IGF2BP3: variants seen among roughly 807,000 people sequenced by gnomAD.
IGF2BP3 encodes the protein insulin-like growth factor 2 mRNA-binding protein 3.
In IGF2BP3, 9 loss-of-function variants were observed where a neutral mutation model predicts 73.8. The ratio of observed to expected loss-of-function variants is 0.12; its 90% CI spans 0.07 to 0.21. The LOEUF (loss-of-function observed/expected upper bound fraction) is 0.21, where lower values mean the gene tolerates loss of function less well. IGF2BP3 is among the 10% of genes least tolerant of loss of function. The pLI, the probability that IGF2BP3 is intolerant of heterozygous loss-of-function variation, is 1.00. For synonymous variants in IGF2BP3, 258 were observed against 256.7 expected, an observed-to-expected ratio of 1.01 and a Z score of -0.05; for missense variants, 542 against 714.0, an observed-to-expected ratio of 0.76 and a Z score of 2.75.
intron 3 of IGF2BP3, among the ~76,000 whole-genome samples, chr7:23,410,979 C>T (rs1361675261): frequency 1.3e-5 from 2 of 152,116 alleles, no homozygotes; most frequent in Non-Finnish European, 2.9e-5. Context: ...AATTCAGTAC[C>T]CGGCACATAA....
intron 2 of IGF2BP3, among the ~76,000 whole-genome samples, chr7:23,437,280 A>G (rs1025257466): frequency 2.6e-5 from 4 of 151,802 alleles, no homozygotes; most frequent in South Asian, 2.1e-4. Flanking sequence ...TCAGCAGTTC[A>G]AGACCAGTCT....
At chr7:23,432,757 C>G (rs916103850) in intron 2 of IGF2BP3, among the ~76,000 whole-genome samples, 1 of 152,082 alleles carries the variant, frequency 6.6e-6, no homozygotes, top group Non-Finnish European at 1.5e-5. Context: ...CCTCCTGCCT[C>G]AGCCCCTCAA....
At chr7:23,383,746 G>C (rs550571373) in intron 3 of IGF2BP3, among the ~76,000 whole-genome samples, 1 of 152,122 alleles carries the variant, frequency 6.6e-6, no homozygotes, top group Non-Finnish European at 1.5e-5. Context: ...ATGGACTGAC[G>C]AACGGATAAA....
At chr7:23,381,470 G>A (rs530200382) in intron 3 of IGF2BP3, among the ~76,000 whole-genome samples, 3 of 152,310 alleles carry the variant, frequency 2.0e-5, no homozygotes, top group East Asian at 3.9e-4. Flanking sequence ...GATAAATTTT[G>A]AAGCTGGTTG....
At chr7:23,331,538 A>T (rs552601494) in intron 10 of IGF2BP3, among the ~76,000 whole-genome samples, 1 of 152,230 alleles carries the variant, frequency 6.6e-6, no homozygotes, top group East Asian at 1.9e-4. Context: ...AACAAAAAAC[A>T]AACAAAAAAA....
At chr7:23,321,411 C>A (rs11979442) in intron 10 of IGF2BP3, among the ~76,000 whole-genome samples, 1 of 152,172 alleles carries the variant, frequency 6.6e-6, no homozygotes, top group Admixed American at 6.5e-5. Flanking sequence ...GCACCTGGCT[C>A]GGAGGGTCGT....
chr7:23,339,144 C>T (rs1267797078), intron 10 of IGF2BP3, among the ~76,000 whole-genome samples: 1 of 152,234 alleles, frequency 6.6e-6, no homozygotes, highest in Non-Finnish European at 1.5e-5. Flanking sequence ...TCATTTGCTC[C>T]TTCTAATTGC....
intron 2 of IGF2BP3, among the ~76,000 whole-genome samples, chr7:23,451,698 CA>C (rs1468343156): frequency 3.9e-5 from 6 of 152,078 alleles, no homozygotes; most frequent in African/African-American, 1.2e-4. Context: ...CCTGTATTCA[CA>C]ACACCTTGGG....
Position 23,312,813 on chromosome 7 carries a change from A to T in IGF2BP3, c.1563T>A (p.Val521=), listed in dbSNP as rs779913072. The T allele has an allele frequency of 3.2e-5, 51 of 1,612,294 alleles. No homozygotes were observed. Among genetic ancestry groups the T allele is most frequent in the Non-Finnish European group, 3.6e-5 (43 of 1,179,520 alleles). The change falls in exon 14 of 15, where the codon GTT becomes GTA. Residue 521 remains valine, a synonymous_variant. Transcript: ENST00000258729. ...CAGGTGTCTGGTCACGAGGGACAACAACTTCTGCACTTGACAAATTCTGAA... is the reference window on the plus strand; with the variant it reads ...CAGGTGTCTGGTCACGAGGGACAACTACTTCTGCACTTGACAAATTCTGAA... ...NELQNLSSAE[V]VVPRDQTPDE... is the part of the protein sequence containing the mutation.
chr7:23,407,958 G>T (rs1562733789), intron 3 of IGF2BP3, among the ~76,000 whole-genome samples: 534 of 42,054 alleles, frequency 0.013, 15 homozygotes, highest in Non-Finnish European at 0.02. Context: ...GGGGGCGGGG[G>T]GCGGGGGGGG....
intron 2 of IGF2BP3, among the ~76,000 whole-genome samples, chr7:23,430,277 G>A (rs2128541507): frequency 6.6e-6 from 1 of 152,224 alleles, no homozygotes; most frequent in African/African-American, 2.4e-5. Context: ...TAGAGACGGG[G>A]TTTCACCATG....
At chr7:23,428,969 T>C (rs887294607) in intron 2 of IGF2BP3, among the ~76,000 whole-genome samples, 1 of 152,162 alleles carries the variant, frequency 6.6e-6, no homozygotes, top group Non-Finnish European at 1.5e-5. Context: ...CCAATAATAT[T>C]TGTGAGCATT....
At position 23,438,518 on chromosome 7, in the gene IGF2BP3, C is replaced by T. The variant is rs181160344; in HGVS notation, c.237-19694G>A. On this transcript the variant is annotated intron_variant, in intron 2 of 14. Coordinates refer to ENST00000258729, the MANE Select transcript of IGF2BP3 (RefSeq NM_006547.3). ...CAGTCACCATCTAAGGTAAATGAGA[C>T]AAATAAGTACACTAACTGACAAAAG... is the stretch of plus-strand genomic sequence containing the variant. Among the ~76,000 whole-genome samples the T allele has an allele frequency of 2.1e-5, 3 of 142,548 alleles. No homozygotes were observed. In the East Asian group the frequency reaches 5.8e-4, roughly 28 times the overall value. 93.5% of individuals were successfully genotyped at this position (142,548 alleles called of 152,430 possible).
chr7:23,460,874 C>A (rs547579709), intron 2 of IGF2BP3, among the ~76,000 whole-genome samples: 2 of 152,228 alleles, frequency 1.3e-5, no homozygotes, highest in Admixed American at 6.5e-5. Flanking sequence ...CCTCTTGAAC[C>A]CGGGAGGCGG....
At chr7:23,349,215 C>T (rs771008545) in intron 6 of IGF2BP3, among the ~76,000 whole-genome samples, 7 of 152,240 alleles carry the variant, frequency 4.6e-5, no homozygotes, top group Middle Eastern at 3.4e-3. Context: ...GTTCCTTTGG[C>T]CATTCAAACA....
At chr7:23,443,276 C>G (rs1787979988) in intron 2 of IGF2BP3, among the ~76,000 whole-genome samples, 1 of 151,854 alleles carries the variant, frequency 6.6e-6, no homozygotes, top group Non-Finnish European at 1.5e-5. Flanking sequence ...CAGGCATGCG[C>G]CACCACTCCC....
chr7:23,467,108 A>G (rs1331218867), intron 2 of IGF2BP3, among the ~76,000 whole-genome samples: 1 of 152,202 alleles, frequency 6.6e-6, no homozygotes, highest in Non-Finnish European at 1.5e-5. Context: ...GACCCCTACC[A>G]AAATTCCCAA....
chr7:23,437,933 G>C (rs975038547), intron 2 of IGF2BP3, among the ~76,000 whole-genome samples: 1 of 152,116 alleles, frequency 6.6e-6, no homozygotes, highest in Non-Finnish European at 1.5e-5. Context: ...GCAAGTCAAC[G>C]AAAAGCCAAA....
intron 2 of IGF2BP3, among the ~76,000 whole-genome samples, chr7:23,445,690 A>G (rs529618138): frequency 6.6e-6 from 1 of 152,304 alleles, no homozygotes; most frequent in South Asian, 2.1e-4. Flanking sequence ...GCACATCAAA[A>G]TGCCAGAGAC....
Sources: allele counts gnomAD v4.1 joint callset (sites outside exome capture counted in the v4.1 genomes callset), GRCh38; gene constraint gnomAD v4.1.1; transcripts MANE v1.5; gene names NCBI Gene and HGNC (gene_info 2026-07-23, HGNC 2026-07-21).